Variants in TMED10 observed in about 807,000 individuals in gnomAD.
TMED10 encodes transmembrane p24 trafficking protein 10.
In TMED10, 7 loss-of-function variants were observed where a neutral mutation model predicts 23.1. That is an observed-to-expected ratio of 0.30 (90% CI 0.17 to 0.57). The LOEUF is 0.57. TMED10 is among the 20% of genes least tolerant of loss of function. The pLI, the probability that TMED10 is intolerant of heterozygous loss-of-function variation, is 0.91. For missense variants in TMED10, 162 were observed against 274.8 expected (o/e 0.59, Z 2.90); for synonymous variants, 113 against 106.9 (o/e 1.06, Z -0.35).
chr14:75,157,807 G>A (rs1041976565), intron 1 of TMED10, among the ~76,000 whole-genome samples: 3 of 151,314 alleles, frequency 2.0e-5, no homozygotes, highest in Admixed American at 6.6e-5. Context: ...GGGCGTAGTG[G>A]CAGGTGCCTG....
At chr14:75,161,213 A>T (rs1475351787) in intron 1 of TMED10, among the ~76,000 whole-genome samples, 4 of 152,200 alleles carry the variant, frequency 2.6e-5, no homozygotes, top group Non-Finnish European at 5.9e-5. Flanking sequence ...AGTGGCTGGA[A>T]ACAGATTTTT....
At chr14:75,136,995 A>T (rs1163095057) in intron 3 of TMED10, 1 of 149,866 alleles carries the variant, frequency 6.7e-6, no homozygotes, top group Non-Finnish European at 1.5e-5. Context: ...AATGAGATAC[A>T]CCACCAGAGC....
At chr14:75,164,559 ATATATATATATATATATATTT>A (rs1403828138) in intron 1 of TMED10, among the ~76,000 whole-genome samples, 13,391 of 32,024 alleles carry the variant, frequency 0.42, 1,783 homozygotes, top group East Asian at 0.48. Context: ...ATATATATAT[ATATATATATATATATATATTT>A]TTTTTTTTTT....
chr14:75,145,097 GA>G (rs1043698199), intron 3 of TMED10, among the ~76,000 whole-genome samples: 2 of 152,262 alleles, frequency 1.3e-5, no homozygotes, highest in Non-Finnish European at 2.9e-5. Flanking sequence ...TGAAGGGCAG[GA>G]GGGTGGGGAT....
chr14:75,132,986 T>C lies in TMED10; in HGVS notation c.*1899A>G, dbSNP rs905370861. 6.6e-6 allele frequency: 1 copy of C among 152,258 alleles called. No individual in the cohort carries two copies. Among genetic ancestry groups the C allele is most frequent in the Non-Finnish European group, 1.5e-5 (1 of 68,040 alleles). The allele number at this position is 152,258 out of a possible 1,614,324, so 9.4% of individuals were successfully genotyped here. A position where few individuals can be genotyped will look rare whatever the true frequency, so the allele number is the denominator to read the frequency against. Reference sequence around the variant, plus strand: ...GGTCATTTATATCCACACTTTCTCTTATTTACATTAGTTTTGGCCCTTAGG... The same window carrying C: ...GGTCATTTATATCCACACTTTCTCTCATTTACATTAGTTTTGGCCCTTAGG... On this transcript the variant is annotated 3_prime_UTR_variant, in exon 5 of 5. Coordinates refer to ENST00000303575, the MANE Select transcript of TMED10 (RefSeq NM_006827.6).
At chr14:75,143,246 G>T (rs1165110568) in intron 3 of TMED10, among the ~76,000 whole-genome samples, 1 of 152,098 alleles carries the variant, frequency 6.6e-6, no homozygotes, top group Non-Finnish European at 1.5e-5. Flanking sequence ...GTCATGGTAG[G>T]TACTGTTTGG....
At chr14:75,155,156 A>G (rs764727443) in intron 1 of TMED10, among the ~76,000 whole-genome samples, 1 of 151,870 alleles carries the variant, frequency 6.6e-6, no homozygotes, top group African/African-American at 2.4e-5. Flanking sequence ...ATGGGGTTTC[A>G]CCATGTTGGC....
chr14:75,135,964 CTTT>C, intron 3 of TMED10, 78 bp from the exon 4 acceptor site: 1 of 1,563,822 alleles, frequency 6.4e-7, no homozygotes, highest in Non-Finnish European at 8.6e-7. Context: ...ACAGAGAAGT[CTTT>C]TTTAAAGTTT....
intron 1 of TMED10, among the ~76,000 whole-genome samples, chr14:75,170,446 A>G (rs781517634): frequency 1.3e-5 from 2 of 152,220 alleles, no homozygotes; most frequent in Non-Finnish European, 2.9e-5. Flanking sequence ...ATAGACATAT[A>G]CAAGATAAGC....
At chr14:75,149,122 G>T (rs1385757510) in intron 2 of TMED10, among the ~76,000 whole-genome samples, 1 of 152,200 alleles carries the variant, frequency 6.6e-6, no homozygotes, top group Non-Finnish European at 1.5e-5. Flanking sequence ...TCGCTATACT[G>T]TCCAGGCTGA....
intron 1 of TMED10, among the ~76,000 whole-genome samples, chr14:75,170,196 G>C (rs573096135): frequency 5.3e-5 from 8 of 152,258 alleles, no homozygotes; most frequent in African/African-American, 1.9e-4. Flanking sequence ...CCACCGCACT[G>C]CAGCCTGGGT....
At chr14:75,162,027 C>A (rs1041288842) in intron 1 of TMED10, among the ~76,000 whole-genome samples, 2 of 149,028 alleles carry the variant, frequency 1.3e-5, no homozygotes, top group African/African-American at 2.5e-5. Context: ...AGGTCCGGGG[C>A]GGGGTGGGGG....
At chr14:75,138,977 A>G (rs1895789468) in intron 3 of TMED10, 1 of 304,648 alleles carries the variant, frequency 3.3e-6, no homozygotes, top group South Asian at 2.9e-5. Flanking sequence ...CCAGTAATAA[A>G]ACTTATTTTT....
At chr14:75,148,718 C>T (rs1895918470) in intron 2 of TMED10, among the ~76,000 whole-genome samples, 1 of 152,124 alleles carries the variant, frequency 6.6e-6, no homozygotes, top group African/African-American at 2.4e-5. Context: ...CTGAGAGACA[C>T]TGGAAGTTTT....
At chr14:75,169,847 A>T (rs1348736233) in intron 1 of TMED10, among the ~76,000 whole-genome samples, 2 of 152,168 alleles carry the variant, frequency 1.3e-5, no homozygotes, top group Non-Finnish European at 2.9e-5. Context: ...CTACCATATG[A>T]AAAGGAGCTC....
intron 1 of TMED10, among the ~76,000 whole-genome samples, chr14:75,171,087 C>T (rs540715831): frequency 1.3e-5 from 2 of 152,012 alleles, no homozygotes; most frequent in South Asian, 4.2e-4. Context: ...GATTAAGGGT[C>T]TTGAGGTGGA....
At chr14:75,173,596 G>A (rs1418336100) in intron 1 of TMED10, among the ~76,000 whole-genome samples, 3 of 151,956 alleles carry the variant, frequency 2.0e-5, no homozygotes, top group Middle Eastern at 3.4e-3. Flanking sequence ...TTACCTATTT[G>A]GCATTTGGGT....
At position 75,158,883 on chromosome 14, in the gene TMED10, C is replaced by CA. The variant is rs532038199; in HGVS notation, c.226-6741dup. On this transcript the variant is annotated intron_variant, in intron 1 of 4. Coordinates refer to ENST00000303575, the MANE Select transcript of TMED10 (RefSeq NM_006827.6). ...AGGTTGTGGTGAGTCGCGATCGCAC[C>CA]ATTGCGCTCTAGCCTGGGCAACAAG... Among the ~76,000 whole-genome samples the CA allele has an allele frequency of 1.0e-3, 154 of 152,150 alleles. 1 individual carries two copies. In the East Asian group the frequency reaches 0.028, roughly 28 times the overall value.
At chr14:75,150,181 A>G (rs1046093338) in intron 2 of TMED10, among the ~76,000 whole-genome samples, 2 of 152,236 alleles carry the variant, frequency 1.3e-5, no homozygotes, top group African/African-American at 4.8e-5. Flanking sequence ...AAGACTGCAC[A>G]GGGTAAGACT....
Sources: allele counts gnomAD v4.1 joint callset (sites outside exome capture counted in the v4.1 genomes callset), GRCh38; gene constraint gnomAD v4.1.1; transcripts MANE v1.5; gene names NCBI Gene and HGNC (gene_info 2026-07-23, HGNC 2026-07-21).